ZNF277: variants seen among roughly 807,000 people sequenced by gnomAD.
ZNF277 encodes zinc finger protein 277.
ZNF277 carries 55 observed loss-of-function variants against 60.7 expected under a neutral mutation model. That is an observed-to-expected ratio of 0.91 (90% CI 0.73 to 1.13). The LOEUF (loss-of-function observed/expected upper bound fraction) is 1.13. ZNF277 is among the 50% of genes most tolerant of loss of function. ZNF277 has a pLI of 0.00. For missense variants in ZNF277, 510 were observed against 523.0 expected, an observed-to-expected ratio of 0.98 and a Z score of 0.24; for synonymous variants, 178 against 179.3, an observed-to-expected ratio of 0.99 and a Z score of 0.06.
At chr7:112,285,486 G>A (rs1158277966) in intron 1 of ZNF277, among the ~76,000 whole-genome samples, 2 of 145,714 alleles carry the variant, frequency 1.4e-5, no homozygotes, top group African/African-American at 2.6e-5. Context: ...CCAGGCTAGA[G>A]TGCAGTGGCG....
intron 1 of ZNF277, among the ~76,000 whole-genome samples, chr7:112,238,648 A>G (rs1170121364): frequency 1.3e-5 from 2 of 152,002 alleles, no homozygotes; most frequent in African/African-American, 4.8e-5. Context: ...CAGAGACTCC[A>G]TCCTTGGTCT....
Position 112,286,861 on chromosome 7 carries a change from G to GTTTTTTTTTTTTTTT in ZNF277, c.92-12_92-11insTTTTTTTTTTTTTTT. 1.8e-6 allele frequency: 1 copy of GTTTTTTTTTTTTTTT among 548,310 alleles called. No homozygotes were observed. Among genetic ancestry groups the GTTTTTTTTTTTTTTT allele is most frequent in the African/African-American group, 7.8e-5 (1 of 12,836 alleles). 34.0% of individuals were successfully genotyped at this position (548,310 alleles called of 1,614,324 possible). Reference sequence around the variant, plus strand: ...TCTTTCTTTTTTTTTTTTTTTTTTTGGTCTATTCCAGACAGTAAGGATTGT... The same window carrying GTTTTTTTTTTTTTTT: ...TCTTTCTTTTTTTTTTTTTTTTTTTGTTTTTTTTTTTTTTTGTCTATTCCAGACAGTAAGGATTGT... On this transcript the variant is annotated splice_polypyrimidine_tract_variant and intron_variant, in intron 1 of 11. Transcript: ENST00000361822.
chr7:112,235,379 C>T (rs1229046461), intron 1 of ZNF277, among the ~76,000 whole-genome samples: 1 of 152,060 alleles, frequency 6.6e-6, no homozygotes, highest in East Asian at 1.9e-4. Context: ...TACATTTCCA[C>T]CAGCAGTGTC....
At chr7:112,311,202 G>A (rs1011366820) in intron 4 of ZNF277, among the ~76,000 whole-genome samples, 1 of 152,060 alleles carries the variant, frequency 6.6e-6, no homozygotes, top group Non-Finnish European at 1.5e-5. Flanking sequence ...TATATCTGCT[G>A]TTTTATTAAT....
At chr7:112,206,902 AG>A in intron 1 of ZNF277, 95 bp downstream of exon 1, 1 of 1,255,010 alleles carries the variant, frequency 8.0e-7, no homozygotes, top group Non-Finnish European at 1.1e-6. Context: ...GGAGCCCTTC[AG>A]CTCTGGGGCC....
In ZNF277 at chr7:112,327,705, AT is replaced by A; in HGVS notation, c.558-9del. ...TTTGTGAATAATCCTAATTGCTCAAATTTCTTCCTAGATCTGTTATTTTGAA... is the reference window on the plus strand; with the variant it reads ...TTTGTGAATAATCCTAATTGCTCAAATTCTTCCTAGATCTGTTATTTTGAA... On this transcript the variant is annotated splice_polypyrimidine_tract_variant and intron_variant, in intron 5 of 11. Transcript: ENST00000361822. 1 of 1,604,004 alleles carries A rather than the reference AT, an allele frequency of 6.2e-7. No individual in the cohort carries two copies. The highest frequency in any genetic ancestry group is 8.5e-7 in the Non-Finnish European group (1 of 1,174,034).
intron 1 of ZNF277, among the ~76,000 whole-genome samples, chr7:112,252,177 T>C (rs192315181): frequency 1.1e-4 from 17 of 152,316 alleles, no homozygotes; most frequent in Non-Finnish European, 2.4e-4. Flanking sequence ...TCTTACTACA[T>C]TATTTAAGAA....
At chr7:112,332,044 C>A (rs1793238404) in intron 7 of ZNF277, among the ~76,000 whole-genome samples, 1 of 152,216 alleles carries the variant, frequency 6.6e-6, no homozygotes, top group Admixed American at 6.5e-5. Context: ...AAACTGAAAT[C>A]ATCTGCCAGG....
intron 4 of ZNF277, among the ~76,000 whole-genome samples, chr7:112,313,218 AT>A (rs1159936661): frequency 6.6e-6 from 1 of 151,570 alleles, no homozygotes; most frequent in African/African-American, 2.4e-5. Flanking sequence ...TGCATCTTCT[AT>A]TTTGCTCAAA....
At chr7:112,286,649 A>AG (rs1395973109) in intron 1 of ZNF277, among the ~76,000 whole-genome samples, 2 of 152,118 alleles carry the variant, frequency 1.3e-5, no homozygotes, top group African/African-American at 4.8e-5. Flanking sequence ...CAAGCAAATG[A>AG]GGGGTTTGAG....
intron 2 of ZNF277, among the ~76,000 whole-genome samples, chr7:112,292,175 AT>A (rs1264288983): frequency 2.6e-5 from 4 of 152,212 alleles, no homozygotes; most frequent in Non-Finnish European, 4.4e-5. Flanking sequence ...GAAAGTAAGC[AT>A]GTCATGTGAT....
intron 1 of ZNF277, among the ~76,000 whole-genome samples, chr7:112,221,712 G>C (rs1822036121): frequency 6.6e-6 from 1 of 152,074 alleles, no homozygotes. Context: ...GTTCACAGTA[G>C]GGTTCACACT....
chr7:112,340,020 GA>G, intron 10 of ZNF277, 135 bp downstream of exon 10: 2 of 790,618 alleles, frequency 2.5e-6, no homozygotes, highest in Non-Finnish European at 4.1e-6. Flanking sequence ...GGTCTTGACA[GA>G]ACTCTCTGTG....
At chr7:112,296,761 C>G (rs532233535) in intron 4 of ZNF277, among the ~76,000 whole-genome samples, 1 of 151,484 alleles carries the variant, frequency 6.6e-6, no homozygotes, top group Admixed American at 6.6e-5. Context: ...TACATAGTAG[C>G]CTTTCTGGTT....
intron 5 of ZNF277, 117 bp downstream of exon 5, chr7:112,318,390 T>C (rs548417984): frequency 1.2e-6 from 1 of 800,004 alleles, no homozygotes; most frequent in South Asian, 1.8e-5. Flanking sequence ...CCCTTTCGTA[T>C]ATAAGCAGTC....
At chr7:112,326,264 C>T (rs1369833638) in intron 5 of ZNF277, among the ~76,000 whole-genome samples, 3 of 152,138 alleles carry the variant, frequency 2.0e-5, no homozygotes, top group African/African-American at 7.2e-5. Flanking sequence ...AACTATGGCT[C>T]GGCCACTCTA....
At chr7:112,213,323 C>A (rs1331265957) in intron 1 of ZNF277, among the ~76,000 whole-genome samples, 1 of 152,122 alleles carries the variant, frequency 6.6e-6, no homozygotes, top group Admixed American at 6.5e-5. Flanking sequence ...TGCCCAGTCT[C>A]GGGTATGTCT....
At chr7:112,261,217 G>T (rs1277665384) in intron 1 of ZNF277, among the ~76,000 whole-genome samples, 1 of 152,092 alleles carries the variant, frequency 6.6e-6, no homozygotes, top group Non-Finnish European at 1.5e-5. Context: ...TAGGTTATCT[G>T]GTGTCATCAG....
At chr7:112,322,147 T>C (rs993118022) in intron 5 of ZNF277, among the ~76,000 whole-genome samples, 1 of 152,160 alleles carries the variant, frequency 6.6e-6, no homozygotes, top group African/African-American at 2.4e-5. Context: ...ATTCTCTTGA[T>C]TTGTCCTACT....
Sources: gnomAD v4.1 joint callset for allele counts (sites outside exome capture counted in the v4.1 genomes callset) on GRCh38, gnomAD v4.1.1 for gene constraint, MANE v1.5 for transcripts, NCBI Gene and HGNC (gene_info 2026-07-23, HGNC 2026-07-21) for gene names.